Variants in DNAJC5B observed in about 807,000 individuals in gnomAD.
DNAJC5B encodes the protein DnaJ heat shock protein family (Hsp40) member C5 beta.
A neutral mutation model predicts 24.7 loss-of-function variants in DNAJC5B; 23 were observed. The ratio of observed to expected loss-of-function variants is 0.93; its 90% confidence interval spans 0.67 to 1.32. The LOEUF is 1.32. Ranked by LOEUF, DNAJC5B falls within the 40% of genes most tolerant of loss-of-function variation. The pLI is 0.00. For missense variants in DNAJC5B, 238 were observed against 240.8 expected (o/e 0.99, Z 0.08); for synonymous variants, 101 against 90.1 (o/e 1.12, Z -0.68).
chr8:66,037,585 C>T (rs1467756869), intron 1 of DNAJC5B, among the ~76,000 whole-genome samples: 1 of 152,202 alleles, frequency 6.6e-6, no homozygotes, highest in African/African-American at 2.4e-5. Flanking sequence ...CTCATTCAGA[C>T]AGGGGCTTTT....
intron 5 of DNAJC5B, among the ~76,000 whole-genome samples, chr8:66,086,112 A>G (rs988794415): frequency 9.2e-5 from 14 of 152,050 alleles, no homozygotes; most frequent in Non-Finnish European, 1.5e-4. Context: ...AGTATTTACA[A>G]TTTCTTTTTA....
intron 5 of DNAJC5B, 44 bp from the exon 6 acceptor site, chr8:66,099,893 T>G: frequency 6.4e-7 from 1 of 1,560,568 alleles, no homozygotes; most frequent in Non-Finnish European, 8.8e-7. Flanking sequence ...AAAAGAACTG[T>G]AACATGATGA....
chr8:66,051,695 T>C (rs1806848943), intron 3 of DNAJC5B, 29 bp downstream of exon 3: 2 of 1,525,184 alleles, frequency 1.3e-6, no homozygotes, highest in African/African-American at 1.4e-5. Flanking sequence ...ACATTTCTTC[T>C]GCTACTAGTG....
chr8:66,026,813 C>G (rs991297798), intron 1 of DNAJC5B, among the ~76,000 whole-genome samples: 9 of 152,212 alleles, frequency 5.9e-5, no homozygotes, highest in African/African-American at 2.2e-4. Context: ...CATGGGGAGT[C>G]AAGTCCTTGG....
At chr8:66,023,376 A>G (rs937765295) in intron 1 of DNAJC5B, among the ~76,000 whole-genome samples, 11 of 152,222 alleles carry the variant, frequency 7.2e-5, no homozygotes, top group African/African-American at 2.4e-4. Context: ...CTGCACCTCC[A>G]TACAAGATAA....
intron 3 of DNAJC5B, among the ~76,000 whole-genome samples, chr8:66,053,342 A>C (rs1025055280): frequency 2.0e-5 from 3 of 152,198 alleles, no homozygotes; most frequent in African/African-American, 7.2e-5. Flanking sequence ...TGGTGATAAC[A>C]GAAATAGTGG....
intron 5 of DNAJC5B, among the ~76,000 whole-genome samples, chr8:66,081,822 AT>A (rs967242968): frequency 2.6e-5 from 4 of 152,088 alleles, no homozygotes; most frequent in Non-Finnish European, 4.4e-5. Context: ...TGTTCTGACC[AT>A]TTTTTATTAC....
intron 3 of DNAJC5B, 102 bp downstream of exon 3, chr8:66,051,768 T>C: frequency 1.2e-6 from 1 of 850,696 alleles, no homozygotes; most frequent in Non-Finnish European, 1.9e-6. Flanking sequence ...AGACCAGTAA[T>C]CCAAATTTTA....
chr8:66,052,157 C>T (rs1372025324), intron 3 of DNAJC5B, among the ~76,000 whole-genome samples: 3 of 150,186 alleles, frequency 2.0e-5, no homozygotes, highest in African/African-American at 7.4e-5. Flanking sequence ...GGGGTTTCAC[C>T]ATGTTGGCCA....
At chr8:66,071,806 C>A (rs1369148434) in intron 3 of DNAJC5B, among the ~76,000 whole-genome samples, 7 of 152,106 alleles carry the variant, frequency 4.6e-5, no homozygotes, top group Admixed American at 1.3e-4. Context: ...ACCAAAATGT[C>A]CATCAATAAT....
At chr8:66,023,063 G>T (rs1806175036) in intron 1 of DNAJC5B, among the ~76,000 whole-genome samples, 1 of 152,206 alleles carries the variant, frequency 6.6e-6, no homozygotes, top group South Asian at 2.1e-4. Context: ...GCATACTGCA[G>T]AATTTTAGAG....
At chr8:66,081,828 TA>T (rs1807602484) in intron 5 of DNAJC5B, among the ~76,000 whole-genome samples, 1 of 152,148 alleles carries the variant, frequency 6.6e-6, no homozygotes. Context: ...GACCATTTTT[TA>T]TTACTGACCT....
At chr8:66,093,288 A>G (rs946150456) in intron 5 of DNAJC5B, among the ~76,000 whole-genome samples, 2 of 152,166 alleles carry the variant, frequency 1.3e-5, no homozygotes, top group East Asian at 3.8e-4. Context: ...AAGGATATGC[A>G]CTTGTACAAC....
intron 1 of DNAJC5B, among the ~76,000 whole-genome samples, chr8:66,027,932 A>G (rs891405941): frequency 6.6e-6 from 1 of 152,230 alleles, no homozygotes; most frequent in African/African-American, 2.4e-5. Flanking sequence ...AGCAAAATAA[A>G]ATGTTTGACA....
At chr8:66,045,369 A>C (rs1467066872) in intron 2 of DNAJC5B, among the ~76,000 whole-genome samples, 1 of 152,258 alleles carries the variant, frequency 6.6e-6, no homozygotes, top group Non-Finnish European at 1.5e-5. Context: ...TATACTACCC[A>C]TTCTGAATAT....
intron 5 of DNAJC5B, among the ~76,000 whole-genome samples, chr8:66,085,860 G>A (rs1166153067): frequency 1.3e-5 from 2 of 151,990 alleles, no homozygotes; most frequent in Non-Finnish European, 2.9e-5. Flanking sequence ...TATTGGAATT[G>A]CATTAAATTT....
upstream of DNAJC5B, among the ~76,000 whole-genome samples, chr8:66,018,135 C>G (rs1806002429): frequency 6.6e-6 from 1 of 152,154 alleles, no homozygotes. Flanking sequence ...ACCATCAGGC[C>G]TAGGAACCTG....
rs543910909 is a variant in DNAJC5B, at chr8:66,047,573, C to T, written c.-17-3958C>T. Among the ~76,000 whole-genome samples, 310 of 152,212 alleles carry T rather than the reference C, an allele frequency of 2.0e-3. 2 individuals carry two copies. The highest frequency in any genetic ancestry group is 3.5e-3 in the Non-Finnish European group (241 of 68,016). On this transcript the variant is annotated intron_variant, in intron 2 of 5. Coordinates refer to ENST00000276570, the MANE Select transcript of DNAJC5B (RefSeq NM_033105.6). ...GTCCCTCTCTGATGTCCCTAAGTAC[C>T]GATAACAGGATTAAATGACACCATA... is the stretch of plus-strand genomic sequence containing the variant.
chr8:66,058,861 C>T (rs917062747), intron 3 of DNAJC5B, among the ~76,000 whole-genome samples: 1 of 152,174 alleles, frequency 6.6e-6, no homozygotes, highest in Non-Finnish European at 1.5e-5. Flanking sequence ...GGTATTGAAG[C>T]TCTTGCCTTA....
Sources: allele counts gnomAD v4.1 joint callset (sites outside exome capture counted in the v4.1 genomes callset), GRCh38; gene constraint gnomAD v4.1.1; transcripts MANE v1.5; gene names NCBI Gene and HGNC (gene_info 2026-07-23, HGNC 2026-07-21).